Variants in ASTN2 observed in about 807,000 individuals in gnomAD.
ASTN2 encodes astrotactin 2.
A neutral mutation model predicts 139.8 loss-of-function variants in ASTN2; 54 were observed. The observed-to-expected ratio is 0.39, with a 90% confidence interval of 0.31 to 0.48. The LOEUF (loss-of-function observed/expected upper bound fraction) is 0.48, where lower values mean the gene tolerates loss of function less well. ASTN2 is among the 20% of genes least tolerant of loss of function. The probability of loss-of-function intolerance (pLI) is 0.95; values close to 1 mark genes in which losing one functional copy is unlikely to be tolerated. For missense variants in ASTN2, 1,565 were observed against 1,725.1 expected, an observed-to-expected ratio of 0.91 and a Z score of 1.64; for synonymous variants, 756 against 719.5, an observed-to-expected ratio of 1.05 and a Z score of -0.81.
intron 10 of ASTN2, among the ~76,000 whole-genome samples, chr9:116,929,772 C>T (rs1035071862): frequency 2.0e-5 from 3 of 152,148 alleles, no homozygotes; most frequent in African/African-American, 7.2e-5. Context: ...TAATTTTTCC[C>T]CTTCTATTTC....
At chr9:116,802,161 A>G (rs2132239652) in intron 13 of ASTN2, among the ~76,000 whole-genome samples, 1 of 145,344 alleles carries the variant, frequency 6.9e-6, no homozygotes, top group South Asian at 2.2e-4. Context: ...CTATAGGCTC[A>G]CTGCAAGCTC....
At chr9:117,363,444 C>T (rs756767512) in intron 1 of ASTN2, among the ~76,000 whole-genome samples, 2 of 152,166 alleles carry the variant, frequency 1.3e-5, no homozygotes, top group Non-Finnish European at 2.9e-5. Flanking sequence ...TTCAAGGTAA[C>T]ACAGCATCTT....
At chr9:116,604,194 A>G (rs1855066841) in intron 19 of ASTN2, among the ~76,000 whole-genome samples, 3 of 152,084 alleles carry the variant, frequency 2.0e-5, no homozygotes, top group Admixed American at 2.0e-4. Flanking sequence ...AGCTCCCCAC[A>G]CATTCATGAA....
intron 19 of ASTN2, among the ~76,000 whole-genome samples, chr9:116,500,595 G>A (rs1432447312): frequency 6.6e-6 from 1 of 152,228 alleles, no homozygotes; most frequent in African/African-American, 2.4e-5. Flanking sequence ...TCTCCTTTGA[G>A]AGGGAAAAGC....
At chr9:117,125,259 G>T (rs1473496133) in intron 4 of ASTN2, among the ~76,000 whole-genome samples, 1 of 152,058 alleles carries the variant, frequency 6.6e-6, no homozygotes, top group Non-Finnish European at 1.5e-5. Flanking sequence ...TTTGAACTCT[G>T]GGTGGCATTT....
At chr9:117,237,466 C>T (rs1315696202) in intron 2 of ASTN2, among the ~76,000 whole-genome samples, 1 of 152,040 alleles carries the variant, frequency 6.6e-6, no homozygotes, top group Non-Finnish European at 1.5e-5. Flanking sequence ...TATTCAAGAA[C>T]CCAACAACTC....
At chr9:116,476,925 G>A (rs1037691308) in intron 20 of ASTN2, among the ~76,000 whole-genome samples, 4 of 152,052 alleles carry the variant, frequency 2.6e-5, no homozygotes, top group Non-Finnish European at 5.9e-5. Flanking sequence ...GCCCTTCCTG[G>A]CTCCCCTCTG....
At chr9:117,066,236 T>A (rs1827936934) in intron 5 of ASTN2, among the ~76,000 whole-genome samples, 1 of 138,632 alleles carries the variant, frequency 7.2e-6, no homozygotes, top group Non-Finnish European at 1.5e-5. Flanking sequence ...ATCTCATTGT[T>A]CAATTCCCAC....
intron 11 of ASTN2, among the ~76,000 whole-genome samples, chr9:116,830,224 T>A (rs1011594427): frequency 6.6e-6 from 1 of 152,016 alleles, no homozygotes; most frequent in African/African-American, 2.4e-5. Flanking sequence ...CACAAACATA[T>A]GAAAAAATGT....
intron 10 of ASTN2, among the ~76,000 whole-genome samples, chr9:116,948,167 A>G (rs1358321931): frequency 1.3e-5 from 2 of 152,186 alleles, no homozygotes; most frequent in African/African-American, 2.4e-5. Context: ...TGTTCATTCA[A>G]TTAAGATGTT....
chr9:116,491,895 T>C (rs551034694), intron 19 of ASTN2, among the ~76,000 whole-genome samples: 1 of 152,322 alleles, frequency 6.6e-6, no homozygotes, highest in South Asian at 2.1e-4. Flanking sequence ...TAAGATTAAA[T>C]CCTAGTACTC....
At chr9:116,645,781 T>G (rs568927168) in intron 17 of ASTN2, among the ~76,000 whole-genome samples, 1 of 152,316 alleles carries the variant, frequency 6.6e-6, no homozygotes, top group East Asian at 1.9e-4. Flanking sequence ...ATCCCTCCAT[T>G]TGTAAAGTGC....
chr9:116,874,604 T>G (rs11790670), intron 10 of ASTN2, among the ~76,000 whole-genome samples: 2 of 152,112 alleles, frequency 1.3e-5, no homozygotes, highest in African/African-American at 2.4e-5. Flanking sequence ...GATATGAAAG[T>G]CTCTTATCAC....
chr9:117,192,166 T>TG (rs1222109809), intron 3 of ASTN2, among the ~76,000 whole-genome samples: 2 of 152,224 alleles, frequency 1.3e-5, no homozygotes, highest in East Asian at 3.9e-4. Flanking sequence ...TCCTGTCTGT[T>TG]GGAGGCATTG....
At chr9:116,562,439 T>TA (rs1852962341) in intron 19 of ASTN2, 1 of 152,086 alleles carries the variant, frequency 6.6e-6, no homozygotes, top group African/African-American at 2.4e-5. Context: ...CTTGACAAGT[T>TA]AAAGCATGCT....
chr9:116,425,791 G>A lies in ASTN2; in HGVS notation c.*60C>T. Reference sequence around the variant, plus strand: ...AGCCCACCCAGGCCCCAGGATCCAGGAGAATACTGCTCCCCCTCCCATGGA... The same window carrying A: ...AGCCCACCCAGGCCCCAGGATCCAGAAGAATACTGCTCCCCCTCCCATGGA... On this transcript the variant is annotated 3_prime_UTR_variant, in exon 23 of 23. Transcript: ENST00000313400. The A allele has an allele frequency of 6.2e-7, 1 of 1,610,992 alleles. No homozygotes were observed. Among genetic ancestry groups the A allele is most frequent in the Non-Finnish European group, 8.5e-7 (1 of 1,177,908 alleles).
intron 19 of ASTN2, among the ~76,000 whole-genome samples, chr9:116,501,034 T>C (rs1204173788): frequency 5.3e-5 from 8 of 152,178 alleles, no homozygotes; most frequent in Non-Finnish European, 8.8e-5. Flanking sequence ...TCCCTCCCTT[T>C]TCTAAATATA....
At chr9:116,799,716 G>GGGGGGGGAAAAA (rs1588302594) in intron 13 of ASTN2, among the ~76,000 whole-genome samples, 1 of 141,386 alleles carries the variant, frequency 7.1e-6, no homozygotes, top group African/African-American at 2.6e-5. Flanking sequence ...TGGGGGGGGG[G>GGGGGGGGAAAAA]AGAATAAAAA....
At chr9:117,105,169 G>A (rs181186418) in intron 4 of ASTN2, among the ~76,000 whole-genome samples, 2 of 152,128 alleles carry the variant, frequency 1.3e-5, no homozygotes, top group African/African-American at 4.8e-5. Flanking sequence ...CCCAAATCTA[G>A]GCTGGCCTTA....
Sources: gnomAD v4.1 joint callset for allele counts (sites outside exome capture counted in the v4.1 genomes callset) on GRCh38, gnomAD v4.1.1 for gene constraint, MANE v1.5 for transcripts, NCBI Gene and HGNC (gene_info 2026-07-23, HGNC 2026-07-21) for gene names.